Variants in DNAH6 observed in about 807,000 individuals in gnomAD.
DNAH6 encodes axonemal beta dynein heavy chain 6.
DNAH6 carries 340 observed loss-of-function variants against 491.4 expected under a neutral mutation model. The ratio of observed to expected loss-of-function variants is 0.69; its 90% CI spans 0.63 to 0.76. DNAH6 has a LOEUF of 0.76. Ranked by LOEUF, DNAH6 falls within the 30% of genes least tolerant of loss-of-function variation. The pLI is 0.00. For missense variants in DNAH6, 4,443 were observed against 4,972.2 expected (o/e 0.89, Z 3.20); for synonymous variants, 1,603 against 1,686.1 (o/e 0.95, Z 1.21).
chr2:84,807,409 T>A (rs1224078220), intron 71 of DNAH6, among the ~76,000 whole-genome samples: 1 of 152,240 alleles, frequency 6.6e-6, no homozygotes, highest in African/African-American at 2.4e-5. Context: ...AGCCTGCATT[T>A]GGTGGATTGT....
intron 24 of DNAH6, among the ~76,000 whole-genome samples, chr2:84,620,636 A>G (rs1342885117): frequency 6.6e-6 from 1 of 152,208 alleles, no homozygotes; most frequent in African/African-American, 2.4e-5. Context: ...ATGGGAACAT[A>G]TAAACATTTT....
intron 24 of DNAH6, among the ~76,000 whole-genome samples, chr2:84,620,452 G>A (rs1270300677): frequency 6.6e-6 from 1 of 152,166 alleles, no homozygotes; most frequent in East Asian, 1.9e-4. Context: ...TTAGCATACT[G>A]TGAGGAACCA....
At chr2:84,528,748 C>A (rs1361955256) in intron 3 of DNAH6, among the ~76,000 whole-genome samples, 156 bp from the exon 4 acceptor site, 1 of 152,064 alleles carries the variant, frequency 6.6e-6, no homozygotes, top group Admixed American at 6.6e-5. Flanking sequence ...GACTGCCTAA[C>A]AATAGTTTGA....
chr2:84,539,467 A>C (rs1314116833), intron 4 of DNAH6, among the ~76,000 whole-genome samples: 1 of 152,148 alleles, frequency 6.6e-6, no homozygotes, highest in Non-Finnish European at 1.5e-5. Context: ...CCCAGGCTCT[A>C]CTTCCAGTTA....
chr2:84,536,542 C>A (rs1677703503), intron 4 of DNAH6, among the ~76,000 whole-genome samples: 1 of 142,600 alleles, frequency 7.0e-6, no homozygotes, highest in Admixed American at 7.3e-5. Flanking sequence ...TTTCTAAAAT[C>A]ATTACAAGAA....
In DNAH6 at chr2:84,619,350, A is replaced by C. The variant is rs139366082; in HGVS notation, c.3573-335A>C. ...GGCTACATTTTAGGGAAAACAAATA[A>C]TACATCTTCACTCTGGAGGCTTAAA... On this transcript the variant is annotated intron_variant, in intron 23 of 76. Transcript: ENST00000389394. Among the ~76,000 whole-genome samples, 4 of 152,328 alleles carry C rather than the reference A, an allele frequency of 2.6e-5. No individual in the cohort carries two copies. In the East Asian group the frequency reaches 7.7e-4, roughly 29 times the overall value.
chr2:84,482,766 T>G, the DNAH6 span, among the ~76,000 whole-genome samples: 57 of 152,342 alleles, frequency 3.7e-4, no homozygotes, highest in African/African-American at 1.3e-3. Flanking sequence ...TTCTTATTGT[T>G]GAAGGCAATC....
intron 9 of DNAH6, 129 bp downstream of exon 9, chr2:84,550,186 C>T (rs1349223273): frequency 4.0e-6 from 3 of 747,760 alleles, no homozygotes; most frequent in Non-Finnish European, 6.1e-6. Context: ...CAGCGGCCCC[C>T]AACATTTTGG....
At chr2:84,586,301 G>C (rs894430099) in intron 15 of DNAH6, among the ~76,000 whole-genome samples, 6 of 152,194 alleles carry the variant, frequency 3.9e-5, no homozygotes, top group Admixed American at 2.0e-4. Flanking sequence ...TGGCTCCATG[G>C]AGTGTGCCAC....
Position 84,634,544 on chromosome 2 carries a change from C to T in DNAH6, c.4556C>T (p.Ala1519Val), listed in dbSNP as rs1244049302. ...RFFSGLAQSG[A>V]WCCFDEFNRI... ...TTCAGTGGCTTGGCACAGTCAGGGG[C>T]CTGGTGCTGCTTTGATGAATTTAAT... The change falls in exon 30 of 77, where the codon GCC becomes GTC. Residue 1519 changes from alanine (A) to valine (V), a missense_variant. Physicochemically the swap from Ala to Val is moderately conservative, Grantham distance 64 (BLOSUM62 0). This residue lies in a region of DNAH6 where 2,977 missense variants were observed against 3,296.6 expected (regional missense o/e 0.90). Transcript: ENST00000389394. The T allele has an allele frequency of 2.6e-6, 4 of 1,549,212 alleles. No individual in the cohort carries two copies. Among genetic ancestry groups the T allele is most frequent in the Non-Finnish European group, 3.5e-6 (4 of 1,145,998 alleles).
At chr2:84,746,153 A>G (rs1478700702) in intron 63 of DNAH6, among the ~76,000 whole-genome samples, 1 of 152,238 alleles carries the variant, frequency 6.6e-6, no homozygotes, top group Non-Finnish European at 1.5e-5. Context: ...AAGTCAGCTC[A>G]TATGGAAGTA....
chr2:84,748,398 A>G (rs2105061089), intron 63 of DNAH6, among the ~76,000 whole-genome samples: 1 of 152,306 alleles, frequency 6.6e-6, no homozygotes, highest in East Asian at 1.9e-4. Flanking sequence ...ATTATGAAAA[A>G]TTTGAAATTT....
intron 60 of DNAH6, among the ~76,000 whole-genome samples, chr2:84,725,397 C>T (rs1698532912): frequency 6.6e-6 from 1 of 152,118 alleles, no homozygotes. Context: ...TTTTAGCAGC[C>T]TTTGAAAGCC....
chr2:84,721,722 C>T lies in DNAH6; in HGVS notation c.9793-903C>T, dbSNP rs541081066. ...AAAATGTATGATTATTTATGTGGCT[C>T]ACATTATATTTCCATTGGAAAGCAC... On this transcript the variant is annotated intron_variant, in intron 59 of 76. Coordinates refer to ENST00000389394, the MANE Select transcript of DNAH6 (RefSeq NM_001370.2). Among the ~76,000 whole-genome samples the T allele has an allele frequency of 5.3e-4, 81 of 152,196 alleles. 4 individuals are homozygous for T. The South Asian group carries it at 0.016, about 30-fold the overall frequency.
intron 31 of DNAH6, among the ~76,000 whole-genome samples, chr2:84,637,781 G>A (rs1371968879): frequency 1.3e-5 from 2 of 152,198 alleles, no homozygotes; most frequent in African/African-American, 4.8e-5. Context: ...CTATGAAGTG[G>A]TTGGAGATTG....
At chr2:84,604,607 G>A in intron 19 of DNAH6, 56 bp downstream of exon 19, 1 of 1,340,070 alleles carries the variant, frequency 7.5e-7, no homozygotes, top group Non-Finnish European at 1.0e-6. Flanking sequence ...AAAGTTTTCA[G>A]ATTCAACATT....
At chr2:84,548,189 GT>G (rs1678972805) in intron 7 of DNAH6, 98 bp from the exon 8 acceptor site, 6 of 1,312,674 alleles carry the variant, frequency 4.6e-6, no homozygotes, top group South Asian at 1.6e-5. Flanking sequence ...AAAATATTTT[GT>G]TGTTTTTGAA....
At chr2:84,502,399 A>G in the DNAH6 span, among the ~76,000 whole-genome samples, 3 of 152,078 alleles carry the variant, frequency 2.0e-5, no homozygotes, top group African/African-American at 2.4e-5. Flanking sequence ...TATTATTTCA[A>G]TTTTAAAAAT....
chr2:84,465,564 A>C, the DNAH6 span, among the ~76,000 whole-genome samples: 7 of 152,242 alleles, frequency 4.6e-5, no homozygotes, highest in African/African-American at 1.7e-4. Context: ...AGAGTATAAC[A>C]GCAATATATT....
Sources: allele counts gnomAD v4.1 joint callset (sites outside exome capture counted in the v4.1 genomes callset), GRCh38; gene constraint gnomAD v4.1.1; regional missense constraint gnomAD v4.1.1; transcripts MANE v1.5; gene names NCBI Gene and HGNC (gene_info 2026-07-23, HGNC 2026-07-21).